Variants in HNF4G observed in about 807,000 individuals in gnomAD.
HNF4G encodes the protein hepatocyte nuclear factor 4-gamma.
HNF4G carries 21 observed loss-of-function variants against 50.9 expected under a neutral mutation model. The observed-to-expected ratio is 0.41, with a 90% CI of 0.29 to 0.59. The LOEUF (loss-of-function observed/expected upper bound fraction) is 0.59, where lower values mean the gene tolerates loss of function less well. Ranked by LOEUF, HNF4G falls within the 20% of genes least tolerant of loss-of-function variation. HNF4G has a pLI of 0.26. For missense variants in HNF4G, 527 were observed against 559.4 expected, an observed-to-expected ratio of 0.94 and a Z score of 0.58; for synonymous variants, 198 against 185.6, an observed-to-expected ratio of 1.07 and a Z score of -0.54.
intron 2 of HNF4G, among the ~76,000 whole-genome samples, chr8:75,519,453 C>A (rs538490012): frequency 1.3e-5 from 2 of 152,120 alleles, no homozygotes; most frequent in South Asian, 2.1e-4. Context: ...ACTGTATTAA[C>A]CTGTTCTCAT....
chr8:75,501,855 T>A (rs535174458), intron 2 of HNF4G, among the ~76,000 whole-genome samples: 1 of 112,670 alleles, frequency 8.9e-6, no homozygotes, highest in East Asian at 2.4e-4. Flanking sequence ...ATACCTAAAG[T>A]ATTTTTTTTT....
chr8:75,531,900 A>G (rs74757166), intron 2 of HNF4G, among the ~76,000 whole-genome samples: 1 of 152,060 alleles, frequency 6.6e-6, no homozygotes, highest in East Asian at 1.9e-4. Flanking sequence ...CATTGGCCAT[A>G]TACACCAAAT....
At chr8:75,541,820 A>C (rs1336383678) in intron 1 of HNF4G, among the ~76,000 whole-genome samples, 1 of 152,120 alleles carries the variant, frequency 6.6e-6, no homozygotes, top group Non-Finnish European at 1.5e-5. Context: ...CTTCAGAATT[A>C]TGTATTAGAT....
At chr8:75,546,261 C>T (rs775061762) in intron 2 of HNF4G, among the ~76,000 whole-genome samples, 2 of 152,054 alleles carry the variant, frequency 1.3e-5, no homozygotes, top group Non-Finnish European at 2.9e-5. Flanking sequence ...TTGTGCAAGT[C>T]CTTCTCTTTA....
upstream of HNF4G, among the ~76,000 whole-genome samples, chr8:75,535,414 T>A (rs1376857160): frequency 6.6e-6 from 1 of 151,706 alleles, no homozygotes; most frequent in Non-Finnish European, 1.5e-5. Flanking sequence ...AATTAAAAAG[T>A]CATTTATGTT....
At chr8:75,427,263 T>A (rs373115376) in intron 1 of HNF4G, among the ~76,000 whole-genome samples, 137 of 152,250 alleles carry the variant, frequency 9.0e-4, no homozygotes, top group African/African-American at 3.1e-3. Flanking sequence ...TCTAATTAAC[T>A]GTTGAAATAA....
intron 2 of HNF4G, among the ~76,000 whole-genome samples, chr8:75,529,169 T>C (rs1806260051): frequency 6.6e-6 from 1 of 151,980 alleles, no homozygotes; most frequent in African/African-American, 2.4e-5. Flanking sequence ...CGGGCGCCTG[T>C]AGTCCCAGCT....
chr8:75,434,058 C>A (rs1159367778), intron 1 of HNF4G, among the ~76,000 whole-genome samples: 1 of 144,574 alleles, frequency 6.9e-6, no homozygotes, highest in African/African-American at 2.6e-5. Flanking sequence ...GGCTAGAGTG[C>A]AGTGGTGTGA....
intron 1 of HNF4G, among the ~76,000 whole-genome samples, chr8:75,479,700 A>T (rs1812328980): frequency 6.6e-6 from 1 of 152,170 alleles, no homozygotes; most frequent in Non-Finnish European, 1.5e-5. Context: ...GAGAATAAGA[A>T]AAATGTTCTG....
At chr8:75,459,186 T>C (rs1225774470) in intron 1 of HNF4G, among the ~76,000 whole-genome samples, 1 of 152,168 alleles carries the variant, frequency 6.6e-6, no homozygotes, top group Non-Finnish European at 1.5e-5. Flanking sequence ...ACTAGCTAGG[T>C]AAATAACACT....
intron 1 of HNF4G, among the ~76,000 whole-genome samples, chr8:75,461,104 T>A (rs1272041629): frequency 1.3e-5 from 2 of 152,206 alleles, no homozygotes; most frequent in East Asian, 3.8e-4. Context: ...CCTGTTTTTT[T>A]CTTTGCTTCC....
chr8:75,411,598 A>G (rs1810506324), intron 1 of HNF4G, among the ~76,000 whole-genome samples: 1 of 152,182 alleles, frequency 6.6e-6, no homozygotes, highest in African/African-American at 2.4e-5. Context: ...TATTTTATCA[A>G]GATGGTTTCC....
intron 2 of HNF4G, among the ~76,000 whole-genome samples, chr8:75,518,350 T>C (rs888606521): frequency 6.6e-6 from 1 of 151,962 alleles, no homozygotes; most frequent in African/African-American, 2.4e-5. Flanking sequence ...TAGTATTCCA[T>C]GGAGAAATAG....
intron 1 of HNF4G, among the ~76,000 whole-genome samples, chr8:75,475,852 A>G (rs2130644302): frequency 6.6e-6 from 1 of 152,320 alleles, no homozygotes; most frequent in Admixed American, 6.5e-5. Flanking sequence ...GGGTGTATAT[A>G]ACTGGCAATT....
At chr8:75,523,408 C>G (rs1003960735) in intron 2 of HNF4G, among the ~76,000 whole-genome samples, 1 of 152,168 alleles carries the variant, frequency 6.6e-6, no homozygotes, top group Non-Finnish European at 1.5e-5. Context: ...ATCTAGGTCT[C>G]ATGACTGCAA....
At position 75,564,563 on chromosome 8, in the gene HNF4G, G is replaced by A. The variant is rs1443410947; in HGVS notation, c.*467G>A. ...TGGAGATTAGAAAAATAAAGCAGTT[G>A]CTGTAGAATAGGCTGTATCTTTTTC... On this transcript the variant is annotated 3_prime_UTR_variant, in exon 10 of 10. Coordinates refer to ENST00000396423, the MANE Select transcript of HNF4G (RefSeq NM_004133.5). 1 of 153,012 alleles carries A rather than the reference G, an allele frequency of 6.5e-6. No individual in the cohort carries two copies. Among genetic ancestry groups the A allele is most frequent in the Non-Finnish European group, 1.5e-5 (1 of 68,664 alleles). The allele number at this position is 153,012 out of a possible 1,614,324, so 9.5% of individuals were successfully genotyped here.
intron 3 of HNF4G, among the ~76,000 whole-genome samples, chr8:75,547,991 T>A (rs1806838122): frequency 1.8e-5 from 1 of 56,556 alleles, no homozygotes; most frequent in African/African-American, 8.7e-5. Context: ...AATTACAGAT[T>A]TTTTTTTTTT....
chr8:75,486,580 A>G (rs1294126106), intron 1 of HNF4G, among the ~76,000 whole-genome samples: 1 of 152,200 alleles, frequency 6.6e-6, no homozygotes, highest in Non-Finnish European at 1.5e-5. Flanking sequence ...TTTTGTAGAA[A>G]CCAATTTCAG....
chr8:75,476,882 T>A (rs1470134295), intron 1 of HNF4G, among the ~76,000 whole-genome samples: 1 of 152,202 alleles, frequency 6.6e-6, no homozygotes. Flanking sequence ...GAAGGAAACA[T>A]CAGGAGTGAG....
Sources: allele counts gnomAD v4.1 joint callset (sites outside exome capture counted in the v4.1 genomes callset), GRCh38; gene constraint gnomAD v4.1.1; transcripts MANE v1.5; gene names NCBI Gene and HGNC (gene_info 2026-07-23, HGNC 2026-07-21).